Variants in RAP1GDS1 observed in about 807,000 individuals in gnomAD.
RAP1GDS1 encodes the protein RAP1, GTP-GDP dissociation stimulator 1.
Under a neutral mutation model 71.1 loss-of-function variants are expected in RAP1GDS1, and 35 were observed. The observed-to-expected ratio is 0.49, with a 90% CI of 0.38 to 0.65. RAP1GDS1 has a LOEUF of 0.65. Ranked by LOEUF, RAP1GDS1 falls within the 30% of genes least tolerant of loss-of-function variation. The pLI is 0.00. For missense variants in RAP1GDS1, 663 were observed against 706.1 expected, an observed-to-expected ratio of 0.94 and a Z score of 0.69; for synonymous variants, 229 against 243.1, an observed-to-expected ratio of 0.94 and a Z score of 0.54.
chr4:98,379,100 C>G lies in RAP1GDS1; in HGVS notation c.445C>G (p.Pro149Ala), dbSNP rs1319667096. ...HLRSLCSITD[P>A]ANEKLLTVFC... ...AAGGTCACTGTGCAGTATAACAGAT[C>G]CCGCCAATGAGAAGCTCTTGACTGT... Residue 149 changes from proline (P) to alanine (A), a missense_variant, in exon 5 of 15, where the codon CCC becomes GCC. By Grantham distance (27) the Pro-to-Ala change is conservative. Coordinates refer to ENST00000408927, the MANE Select transcript of RAP1GDS1 (RefSeq NM_001100427.2). 2 of 1,610,530 alleles carry G rather than the reference C, an allele frequency of 1.2e-6. No homozygotes were observed. Among genetic ancestry groups the G allele is most frequent in the African/African-American group, 1.3e-5 (1 of 74,562 alleles).
chr4:98,400,166 A>G (rs1745167477), intron 6 of RAP1GDS1, among the ~76,000 whole-genome samples: 1 of 151,954 alleles, frequency 6.6e-6, no homozygotes, highest in Non-Finnish European at 1.5e-5. Context: ...CAGTTTAAAA[A>G]AAAACACAAA....
At chr4:98,266,802 C>G (rs999165548) in intron 1 of RAP1GDS1, among the ~76,000 whole-genome samples, 1 of 152,080 alleles carries the variant, frequency 6.6e-6, no homozygotes, top group African/African-American at 2.4e-5. Flanking sequence ...AGCCTTAACT[C>G]TTTTTAAGAA....
At chr4:98,402,325 G>C (rs997212096) in intron 6 of RAP1GDS1, among the ~76,000 whole-genome samples, 4 of 152,130 alleles carry the variant, frequency 2.6e-5, no homozygotes, top group African/African-American at 7.2e-5. Flanking sequence ...GCCCACCCCA[G>C]ACTCCGGAAG....
At chr4:98,328,157 G>A (rs752447720) in intron 2 of RAP1GDS1, among the ~76,000 whole-genome samples, 2 of 152,122 alleles carry the variant, frequency 1.3e-5, no homozygotes, top group Non-Finnish European at 2.9e-5. Flanking sequence ...CTTTCCCATA[G>A]GAATTTATCC....
intron 5 of RAP1GDS1, among the ~76,000 whole-genome samples, chr4:98,382,692 T>G (rs1350528754): frequency 6.6e-6 from 1 of 151,680 alleles, no homozygotes; most frequent in East Asian, 1.9e-4. Context: ...TAACACTGTT[T>G]TAGCACATAG....
At chr4:98,401,616 G>T (rs2063745) in intron 6 of RAP1GDS1, among the ~76,000 whole-genome samples, 22,054 of 152,154 alleles carry the variant, frequency 0.14, 2,351 homozygotes, top group African/African-American at 0.3. Context: ...TCATAGAGTT[G>T]TAATAAAAAT....
chr4:98,336,334 G>T (rs1008458957), intron 2 of RAP1GDS1, among the ~76,000 whole-genome samples: 3 of 151,978 alleles, frequency 2.0e-5, no homozygotes, highest in Non-Finnish European at 4.4e-5. Context: ...TTTAGCAACT[G>T]CTTTATGACC....
intron 1 of RAP1GDS1, among the ~76,000 whole-genome samples, chr4:98,266,823 T>G (rs183236727): frequency 6.1e-4 from 93 of 152,308 alleles, no homozygotes; most frequent in Admixed American, 1.2e-3. Context: ...CCAAAATGAT[T>G]TTGCTTTCAT....
intron 5 of RAP1GDS1, among the ~76,000 whole-genome samples, chr4:98,388,657 C>T (rs888990172): frequency 2.0e-5 from 3 of 152,076 alleles, no homozygotes; most frequent in Non-Finnish European, 2.9e-5. Flanking sequence ...CCCTGGGAGG[C>T]GGAGGTTGCA....
At chr4:98,304,526 C>T (rs1342250253) in intron 2 of RAP1GDS1, among the ~76,000 whole-genome samples, 1 of 152,116 alleles carries the variant, frequency 6.6e-6, no homozygotes, top group East Asian at 1.9e-4. Context: ...GTCCTTTGCC[C>T]ACTTTTAAAT....
intron 6 of RAP1GDS1, 52 bp from the exon 7 acceptor site, chr4:98,404,425 A>G: frequency 2.0e-6 from 3 of 1,499,788 alleles, no homozygotes; most frequent in East Asian, 2.3e-5. Context: ...AAAGTATTAG[A>G]AAACAGTTTC....
chr4:98,272,669 C>T (rs1249505757), intron 1 of RAP1GDS1, among the ~76,000 whole-genome samples: 1 of 152,096 alleles, frequency 6.6e-6, no homozygotes, highest in African/African-American at 2.4e-5. Flanking sequence ...TGTAGTGGAT[C>T]AGCAGCAGAC....
intron 1 of RAP1GDS1, among the ~76,000 whole-genome samples, chr4:98,272,141 A>G (rs1467866513): frequency 6.6e-6 from 1 of 152,192 alleles, no homozygotes; most frequent in Non-Finnish European, 1.5e-5. Flanking sequence ...TTTGTAGGCC[A>G]TGAGGCGGAA....
chr4:98,356,597 G>A (rs1041346394), intron 4 of RAP1GDS1, among the ~76,000 whole-genome samples: 1 of 151,954 alleles, frequency 6.6e-6, no homozygotes, highest in Admixed American at 6.6e-5. Flanking sequence ...TTTATACACC[G>A]AGGAAGAATA....
chr4:98,311,979 GA>G (rs1049851492), intron 2 of RAP1GDS1, among the ~76,000 whole-genome samples: 1 of 152,120 alleles, frequency 6.6e-6, no homozygotes, highest in Non-Finnish European at 1.5e-5. Flanking sequence ...AGGGGACAAT[GA>G]AATTGGAATG....
At chr4:98,310,999 T>C (rs894443109) in intron 2 of RAP1GDS1, among the ~76,000 whole-genome samples, 1 of 152,196 alleles carries the variant, frequency 6.6e-6, no homozygotes, top group Admixed American at 6.5e-5. Flanking sequence ...GGAAAGATTG[T>C]TAAATCGTAA....
intron 12 of RAP1GDS1, among the ~76,000 whole-genome samples, chr4:98,430,174 T>A (rs1475237109): frequency 6.6e-6 from 1 of 152,150 alleles, no homozygotes; most frequent in East Asian, 1.9e-4. Flanking sequence ...AACTGTGGCA[T>A]GGTACCCTTT....
At chr4:98,398,476 TG>T (rs765866744) in intron 6 of RAP1GDS1, among the ~76,000 whole-genome samples, 3 of 151,970 alleles carry the variant, frequency 2.0e-5, no homozygotes, top group Non-Finnish European at 4.4e-5. Context: ...CTAGAGAGGA[TG>T]GGGGAAGTAA....
chr4:98,330,201 A>T (rs961916531), intron 2 of RAP1GDS1, among the ~76,000 whole-genome samples: 1 of 152,232 alleles, frequency 6.6e-6, no homozygotes, highest in Non-Finnish European at 1.5e-5. Flanking sequence ...AACAAAATGG[A>T]GTCTCCTATG....
Sources: gnomAD v4.1 joint callset for allele counts (sites outside exome capture counted in the v4.1 genomes callset) on GRCh38, gnomAD v4.1.1 for gene constraint, MANE v1.5 for transcripts, NCBI Gene and HGNC (gene_info 2026-07-23, HGNC 2026-07-21) for gene names.